The following PLPPR5 variants were observed in gnomAD, a reference collection of about 807,000 sequenced individuals.
The protein encoded by PLPPR5 is phospholipid phosphatase-related protein type 5.
PLPPR5 carries 16 observed loss-of-function variants against 33.9 expected under a neutral mutation model. That is an observed-to-expected ratio of 0.47 (90% confidence interval 0.32 to 0.72). PLPPR5 has a LOEUF of 0.72. Ranked by LOEUF, PLPPR5 falls within the 30% of genes least tolerant of loss-of-function variation. PLPPR5 has a pLI of 0.03. For missense variants in PLPPR5, 301 were observed against 406.7 expected (o/e 0.74, Z 2.23); for synonymous variants, 163 against 150.3 (o/e 1.08, Z -0.62).
intron 3 of PLPPR5, among the ~76,000 whole-genome samples, chr1:98,937,626 G>C (rs146188974): frequency 1.0e-3 from 159 of 152,282 alleles, no homozygotes; most frequent in African/African-American, 3.8e-3. Flanking sequence ...GCAGTAAGGT[G>C]AATGAACAAT....
At chr1:98,963,299 G>A (rs1022273266) in intron 1 of PLPPR5, among the ~76,000 whole-genome samples, 2 of 152,120 alleles carry the variant, frequency 1.3e-5, no homozygotes, top group African/African-American at 2.4e-5. Flanking sequence ...CCAATGGCAC[G>A]TTGTACATTT....
At chr1:98,956,533 T>C in intron 2 of PLPPR5, 76 bp downstream of exon 2, 2 of 1,356,566 alleles carry the variant, frequency 1.5e-6, no homozygotes, top group Non-Finnish European at 2.0e-6. Flanking sequence ...ACAGTTAACA[T>C]GTGGGTTATT....
chr1:99,001,650 G>T (rs961437442), intron 1 of PLPPR5, among the ~76,000 whole-genome samples: 1 of 128,898 alleles, frequency 7.8e-6, no homozygotes, highest in Non-Finnish European at 1.6e-5. Flanking sequence ...TCAAGAACTA[G>T]AAATGAGTTT....
chr1:98,935,680 G>A (rs1477074710), intron 3 of PLPPR5, among the ~76,000 whole-genome samples: 1 of 152,026 alleles, frequency 6.6e-6, no homozygotes, highest in Non-Finnish European at 1.5e-5. Flanking sequence ...AGAACACAAG[G>A]GCCATTAAGA....
chr1:98,956,718 G>T lies in PLPPR5; in HGVS notation c.261C>A (p.Val87=), dbSNP rs141936981. ...VLVIIVGETA[V]FCLQLATRDF... is the part of the protein sequence containing the mutation. ...CCCTTGTGGCTAGTTGTAGGCAAAAGACAGCAGTTTCTCCAACTATTATCT... is the reference window on the plus strand; with the variant it reads ...CCCTTGTGGCTAGTTGTAGGCAAAATACAGCAGTTTCTCCAACTATTATCT... Residue 87 remains valine, a synonymous_variant, in exon 2 of 6, where the codon GTC becomes GTA. Transcript: ENST00000263177. The T allele has an allele frequency of 2.1e-5, 33 of 1,572,846 alleles. No homozygotes were observed. The highest frequency in any genetic ancestry group is 2.1e-5 in the Non-Finnish European group (24 of 1,164,248).
chr1:98,966,904 T>C (rs531519588), intron 1 of PLPPR5, among the ~76,000 whole-genome samples: 1 of 152,116 alleles, frequency 6.6e-6, no homozygotes, highest in African/African-American at 2.4e-5. Flanking sequence ...GTATCAGCAA[T>C]CTGGGAACTT....
chr1:98,897,374 G>C (rs1648519290), intron 5 of PLPPR5, among the ~76,000 whole-genome samples: 1 of 152,154 alleles, frequency 6.6e-6, no homozygotes. Flanking sequence ...TTCTCAACAG[G>C]TTGATTTTGG....
intron 4 of PLPPR5, among the ~76,000 whole-genome samples, chr1:98,921,525 TA>T (rs1293487604): frequency 5.9e-5 from 9 of 152,188 alleles, no homozygotes; most frequent in Admixed American, 1.3e-4. Flanking sequence ...TTTAAGGATT[TA>T]TATAAAGTTT....
chr1:98,957,356 A>AATAT (rs1651052572), intron 1 of PLPPR5, among the ~76,000 whole-genome samples: 1 of 151,522 alleles, frequency 6.6e-6, no homozygotes, highest in African/African-American at 2.4e-5. Context: ...TAAATAAATA[A>AATAT]AAAGAAAAAT....
At chr1:98,958,959 C>T (rs760022571) in intron 1 of PLPPR5, among the ~76,000 whole-genome samples, 2 of 152,148 alleles carry the variant, frequency 1.3e-5, no homozygotes, top group Non-Finnish European at 2.9e-5. Context: ...TGGTACACTG[C>T]ACCCCAACTC....
chr1:98,955,791 T>A (rs981742249), intron 2 of PLPPR5, among the ~76,000 whole-genome samples: 1 of 152,092 alleles, frequency 6.6e-6, no homozygotes, highest in African/African-American at 2.4e-5. Flanking sequence ...CTTTAGTGCA[T>A]CTCTTAATAC....
intron 1 of PLPPR5, among the ~76,000 whole-genome samples, chr1:99,003,885 A>G (rs1268038578): frequency 2.6e-5 from 4 of 152,092 alleles, no homozygotes; most frequent in African/African-American, 4.8e-5. Flanking sequence ...CTTTTTTCAG[A>G]TATTTGTTCC....
intron 4 of PLPPR5, among the ~76,000 whole-genome samples, chr1:98,920,609 A>AAAAAAAAAAAAAAAAAAAAAAAG (rs1454056694): frequency 6.7e-6 from 1 of 149,998 alleles, no homozygotes; most frequent in Non-Finnish European, 1.5e-5. Context: ...AAAAAAAAAA[A>AAAAAAAAAAAAAAAAAAAAAAAG]GCAGCACAGG....
At chr1:98,921,835 G>A in intron 4 of PLPPR5, 47 bp downstream of exon 4, 4 of 1,455,048 alleles carry the variant, frequency 2.7e-6, no homozygotes, top group Non-Finnish European at 3.8e-6. Flanking sequence ...TGGTGATTAT[G>A]CAAGTTAATT....
chr1:98,959,339 C>T (rs755716559), intron 1 of PLPPR5, among the ~76,000 whole-genome samples: 36 of 152,318 alleles, frequency 2.4e-4, no homozygotes, highest in East Asian at 1.9e-3. Context: ...TTTCACCTTG[C>T]GGAATTTCCG....
rs1649281237 is a variant in PLPPR5 at position 98,914,811 on chromosome 1, G to A, written c.908C>T (p.Pro303Leu). 3 of 1,612,864 alleles carry A rather than the reference G, an allele frequency of 1.9e-6. No individual in the cohort carries two copies. The South Asian group carries it at 3.3e-5, about 18-fold the overall frequency. Residue 303 changes from proline (P) to leucine (L), a missense_variant, in exon 5 of 6, where the codon CCT becomes CTT. Coordinates refer to ENST00000263177, the MANE Select transcript of PLPPR5 (RefSeq NM_001037317.2). ...CTGTACAGATGTTACCTTTTCCAAA[G>A]GACTTTCTACTCGAGGAATGCTGAT... ...PMISIPRVESPLEKVTSVQNH... is the reference protein window; with the variant it reads ...PMISIPRVESLLEKVTSVQNH...
intron 4 of PLPPR5, among the ~76,000 whole-genome samples, chr1:98,918,847 A>C (rs369727821): frequency 2.6e-5 from 4 of 152,318 alleles, no homozygotes; most frequent in South Asian, 4.1e-4. Context: ...TTCTTTAATC[A>C]TTCCTTCATG....
chr1:98,901,369 G>T (rs1357632207), intron 5 of PLPPR5, among the ~76,000 whole-genome samples: 2 of 152,024 alleles, frequency 1.3e-5, no homozygotes, highest in Non-Finnish European at 2.9e-5. Context: ...CTTGATTATG[G>T]TGATAATTTC....
At chr1:98,918,825 G>A (rs188167721) in intron 4 of PLPPR5, among the ~76,000 whole-genome samples, 22 of 152,282 alleles carry the variant, frequency 1.4e-4, no homozygotes, top group Non-Finnish European at 2.1e-4. Flanking sequence ...ACTCTGGGAA[G>A]TAAATAAAAA....
Sources: allele counts gnomAD v4.1 joint callset (sites outside exome capture counted in the v4.1 genomes callset), GRCh38; gene constraint gnomAD v4.1.1; transcripts MANE v1.5; gene names NCBI Gene and HGNC (gene_info 2026-07-23, HGNC 2026-07-21).